The following HNRNPUL1 variants were observed in gnomAD, a reference collection of about 807,000 sequenced individuals.
HNRNPUL1 encodes heterogeneous nuclear ribonucleoprotein U-like protein 1.
HNRNPUL1 carries 14 observed loss-of-function variants against 108.5 expected under a neutral mutation model. The observed-to-expected ratio is 0.13, with a 90% confidence interval of 0.09 to 0.20. HNRNPUL1 has a LOEUF of 0.20. Ranked by LOEUF, HNRNPUL1 falls within the 10% of genes least tolerant of loss-of-function variation. HNRNPUL1 has a pLI of 1.00. For synonymous variants in HNRNPUL1, 422 were observed against 445.2 expected (o/e 0.95, Z 0.66); for missense variants, 804 against 1,168.3 (o/e 0.69, Z 4.55).
intron 11 of HNRNPUL1, 33 bp downstream of exon 11, chr19:41,301,737 A>G (rs751609773): frequency 8.2e-6 from 13 of 1,586,182 alleles, no homozygotes; most frequent in African/African-American, 2.7e-5. Context: ...AGGAACGTCA[A>G]TGCAGGGTCC....
At position 41,274,180 on chromosome 19, in the gene HNRNPUL1, C is replaced by T. The variant is rs544781316; in HGVS notation, c.646+125C>T. 2.0e-4 allele frequency: 158 copies of T among 772,928 alleles called. 1 individual carries two copies. The Admixed American group carries it at 2.9e-3, about 14-fold the overall frequency. 47.9% of individuals were successfully genotyped at this position (772,928 alleles called of 1,614,324 possible). A position where few individuals can be genotyped will look rare whatever the true frequency, so the allele number is the denominator to read the frequency against. ...ACATTGTTAGTCCACATGTGAGACA[C>T]GGCTTAGCTCTGGAGCAAGAGTACT... On this transcript the variant is annotated intron_variant, in intron 4 of 14. Transcript: ENST00000392006.
At chr19:41,273,380 T>G (rs1355385646) in intron 3 of HNRNPUL1, among the ~76,000 whole-genome samples, 1 of 151,976 alleles carries the variant, frequency 6.6e-6, no homozygotes, top group Non-Finnish European at 1.5e-5. Context: ...GAGTGTTAGA[T>G]TCTACCTTTC....
intron 2 of HNRNPUL1, among the ~76,000 whole-genome samples, chr19:41,271,157 A>G (rs2035213913): frequency 6.6e-6 from 1 of 152,230 alleles, no homozygotes; most frequent in African/African-American, 2.4e-5. Context: ...GTCTAACGCC[A>G]TTCTGGTTCA....
intron 4 of HNRNPUL1, 27 bp from the exon 5 acceptor site, chr19:41,276,132 G>C (rs1048481368): frequency 6.2e-7 from 1 of 1,613,472 alleles, no homozygotes; most frequent in African/African-American, 1.3e-5. Flanking sequence ...AAAAACATCA[G>C]CCAACTGTGG....
intron 12 of HNRNPUL1, among the ~76,000 whole-genome samples, chr19:41,303,750 A>G (rs2037379634): frequency 6.6e-6 from 1 of 152,156 alleles, no homozygotes; most frequent in South Asian, 2.1e-4. Context: ...CTGCCTCACC[A>G]TTCTTGCAGT....
chr19:41,264,393 T>C lies in HNRNPUL1; in HGVS notation c.-111T>C, dbSNP rs1439726962. On this transcript the variant is annotated 5_prime_UTR_variant, in exon 1 of 15. Transcript: ENST00000392006. Reference sequence around the variant, plus strand: ...GGCCATTTTGAGCCGCTGCCGCCATTGGAGTGGGCCCCCCCCCTTTCCCCC... The same window carrying C: ...GGCCATTTTGAGCCGCTGCCGCCATCGGAGTGGGCCCCCCCCCTTTCCCCC... 1.1e-6 allele frequency: 1 copy of C among 948,708 alleles called. No individual in the cohort carries two copies. The highest frequency in any genetic ancestry group is 1.4e-6 in the Non-Finnish European group (1 of 717,836). The allele number at this position is 948,708 out of a possible 1,614,324, so 58.8% of individuals were successfully genotyped here.
intron 7 of HNRNPUL1, among the ~76,000 whole-genome samples, chr19:41,285,564 A>G (rs969056169): frequency 6.6e-6 from 1 of 152,164 alleles, no homozygotes; most frequent in Non-Finnish European, 1.5e-5. Flanking sequence ...CTCAAACCCT[A>G]AATCCTCAAC....
At chr19:41,264,234 T>C (rs1367894594), upstream of HNRNPUL1, 1 of 353,184 alleles carries the variant, frequency 2.8e-6, no homozygotes, top group East Asian at 4.2e-5. Flanking sequence ...CTAGGCCTTC[T>C]CGTGGCCGTT....
chr19:41,264,640 G>T lies in HNRNPUL1; in HGVS notation c.137G>T (p.Arg46Leu), dbSNP rs761635893. Residue 46 changes from arginine to leucine, a missense_variant, in exon 1 of 15, where the codon CGG becomes CTG. This residue lies in a region of HNRNPUL1 where 256 missense variants were observed against 261.6 expected (regional missense o/e 0.98). Transcript: ENST00000392006. ...ALEAEEPDDE[R>L]ELDADDEPGR... Reference sequence around the variant, plus strand: ...GAGGCCGAGGAGCCTGACGACGAGCGGGAGCTCGACGCCGACGACGAACCG... The same window carrying T: ...GAGGCCGAGGAGCCTGACGACGAGCTGGAGCTCGACGCCGACGACGAACCG... 1 of 1,585,334 alleles carries T rather than the reference G, an allele frequency of 6.3e-7. No homozygotes were observed. Among genetic ancestry groups the T allele is most frequent in the Non-Finnish European group, 8.5e-7 (1 of 1,173,358 alleles).
intron 7 of HNRNPUL1, among the ~76,000 whole-genome samples, chr19:41,287,939 A>AT (rs556595532): frequency 5.3e-5 from 8 of 152,114 alleles, no homozygotes; most frequent in East Asian, 1.9e-4. Flanking sequence ...TAAACCTTGC[A>AT]TTTTTTTCCC....
chr19:41,302,955 A>C lies in HNRNPUL1; in HGVS notation c.1972+6A>C. Reference sequence around the variant, plus strand: ...AGGAGGCAACTACCGAGGAGGTGAGACATCTCACACACAGCACTCTCCACT... The same window carrying C: ...AGGAGGCAACTACCGAGGAGGTGAGCCATCTCACACACAGCACTCTCCACT... On this transcript the variant is annotated splice_donor_region_variant and intron_variant, in intron 12 of 14. Coordinates refer to ENST00000392006, the MANE Select transcript of HNRNPUL1 (RefSeq NM_007040.6). 1 of 1,520,748 alleles carries C rather than the reference A, an allele frequency of 6.6e-7. No individual in the cohort carries two copies. 94.2% of individuals were successfully genotyped at this position (1,520,748 alleles called of 1,614,324 possible). A position where few individuals can be genotyped will look rare whatever the true frequency, so the allele number is the denominator to read the frequency against.
chr19:41,303,881 G>A, intron 12 of HNRNPUL1, 91 bp from the exon 13 acceptor site: 3 of 1,486,520 alleles, frequency 2.0e-6, no homozygotes, highest in Non-Finnish European at 2.7e-6. Context: ...GCCTGGCCAT[G>A]CCGGCTCACA....
intron 11 of HNRNPUL1, among the ~76,000 whole-genome samples, chr19:41,302,047 G>T (rs1179638950): frequency 6.6e-6 from 1 of 152,050 alleles, no homozygotes; most frequent in African/African-American, 2.4e-5. Flanking sequence ...TAGGGATGGT[G>T]ATGCCATCTG....
chr19:41,268,156 G>A, intron 1 of HNRNPUL1, 67 bp from the exon 2 acceptor site: 1 of 1,554,824 alleles, frequency 6.4e-7, no homozygotes, highest in Non-Finnish European at 8.8e-7. Context: ...GATGCCTTCT[G>A]GATGCTTTGG....
At chr19:41,264,041 GAC>G (rs1343614373), upstream of HNRNPUL1, among the ~76,000 whole-genome samples, 1 of 152,220 alleles carries the variant, frequency 6.6e-6, no homozygotes, top group Non-Finnish European at 1.5e-5. Flanking sequence ...AAGGCCGTGG[GAC>G]ACTCATTCTG....
chr19:41,301,874 C>G (rs1277819181), intron 11 of HNRNPUL1, 170 bp downstream of exon 11: 6 of 640,072 alleles, frequency 9.4e-6, no homozygotes, highest in Admixed American at 3.3e-5. Context: ...AATGGAAAAG[C>G]TACCCATCTG....
rs368506521 is a variant in HNRNPUL1, at chr19:41,282,609, G to A, written c.999+1334G>A. On this transcript the variant is annotated intron_variant, in intron 7 of 14. Transcript: ENST00000392006. ...GCTTTACCATTTTCATGTTTATGGT[G>A]TACATACACATAGAGAGTTAACTCT... Among the ~76,000 whole-genome samples, 29 of 152,088 alleles carry A rather than the reference G, an allele frequency of 1.9e-4. No individual in the cohort carries two copies. The South Asian group carries it at 2.7e-3, about 14-fold the overall frequency.
At chr19:41,293,619 T>C (rs1001739726) in intron 8 of HNRNPUL1, among the ~76,000 whole-genome samples, 1 of 152,236 alleles carries the variant, frequency 6.6e-6, no homozygotes, top group African/African-American at 2.4e-5. Context: ...AAGAAAGTTG[T>C]ACCACTTCTA....
chr19:41,295,558 C>T (rs765029976), intron 10 of HNRNPUL1, among the ~76,000 whole-genome samples: 8 of 152,196 alleles, frequency 5.3e-5, no homozygotes, highest in Non-Finnish European at 1.0e-4. Context: ...AAGGGTGTCT[C>T]CTTATTTTCT....
Sources: gnomAD v4.1 joint callset for allele counts (sites outside exome capture counted in the v4.1 genomes callset) on GRCh38, gnomAD v4.1.1 for gene constraint, gnomAD v4.1.1 regional missense constraint, MANE v1.5 for transcripts, NCBI Gene and HGNC (gene_info 2026-07-23, HGNC 2026-07-21) for gene names.